FOXK1: variants seen among roughly 807,000 people sequenced by gnomAD.
FOXK1 encodes the protein forkhead box K1.
A neutral mutation model predicts 51.9 loss-of-function variants in FOXK1; 19 were observed. That is an observed-to-expected ratio of 0.37 (90% CI 0.26 to 0.54). FOXK1 has a LOEUF of 0.54. FOXK1 is among the 20% of genes least tolerant of loss of function. The pLI is 0.87. For synonymous variants in FOXK1, 537 were observed against 482.6 expected (o/e 1.11, Z -1.48); for missense variants, 870 against 1,032.7 (o/e 0.84, Z 2.16).
rs1780330496 is a variant in FOXK1, at chr7:4,722,697, G to T, written c.561-18141G>T. Among the ~76,000 whole-genome samples, 1 of 152,238 alleles carries T rather than the reference G, an allele frequency of 6.6e-6. No homozygotes were observed. The highest frequency in any genetic ancestry group is 2.4e-5 in the African/African-American group (1 of 41,466). Reference sequence around the variant, plus strand: ...TGGGTGAAACGAGGAAGTCGTAGGAGACCCACCTCAGATGCTCGGGTGCAC... The same window carrying T: ...TGGGTGAAACGAGGAAGTCGTAGGATACCCACCTCAGATGCTCGGGTGCAC... On this transcript the variant is annotated intron_variant, in intron 1 of 8. Coordinates refer to ENST00000328914, the MANE Select transcript of FOXK1 (RefSeq NM_001037165.2). The surrounding 1 kb of genome is among the most constrained non-coding windows in gnomAD (Gnocchi z 5.1).
At position 4,747,958 on chromosome 7, in the gene FOXK1, A is replaced by G. The variant is rs993015705; in HGVS notation, c.747-6501A>G. Among the ~76,000 whole-genome samples, 2 of 152,034 alleles carry G rather than the reference A, an allele frequency of 1.3e-5. No individual in the cohort carries two copies. Among genetic ancestry groups the G allele is most frequent in the Non-Finnish European group, 2.9e-5 (2 of 67,990 alleles). ...CCTCCGGGACTCAAGCGATCCTCCC[A>G]CCTCAGCCGTGACTACAGGAGCAAT... On this transcript the variant is annotated intron_variant, in intron 2 of 8. Coordinates refer to ENST00000328914, the MANE Select transcript of FOXK1 (RefSeq NM_001037165.2). The surrounding 1 kb of genome is among the most constrained non-coding windows in gnomAD (Gnocchi z 9.2).
At chr7:4,705,990 A>ATATATG (rs1562373052) in intron 1 of FOXK1, among the ~76,000 whole-genome samples, 7 of 102,132 alleles carry the variant, frequency 6.9e-5, no homozygotes, top group African/African-American at 4.7e-4. Flanking sequence ...ATACGTATAT[A>ATATATG]TACGTATATA....
chr7:4,702,751 T>G (rs1233208562), intron 1 of FOXK1, among the ~76,000 whole-genome samples: 3 of 152,166 alleles, frequency 2.0e-5, no homozygotes, highest in Non-Finnish European at 4.4e-5. Flanking sequence ...GAAAGACCGC[T>G]TCATAGGTTG....
In FOXK1 at chr7:4,762,466, G is replaced by A. The variant is rs1423189076; in HGVS notation, c.*2G>A. 1.3e-6 allele frequency: 2 copies of A among 1,540,294 alleles called. No homozygotes were observed. Among genetic ancestry groups the A allele is most frequent in the Non-Finnish European group, 8.8e-7 (1 of 1,140,432 alleles). On this transcript the variant is annotated 3_prime_UTR_variant, in exon 9 of 9. Transcript: ENST00000328914. The surrounding 1 kb of genome is among the most constrained non-coding windows in gnomAD (Gnocchi z 5.7). ...CAGGGGCCAGGCACCGGGGAGTGAG[G>A]TCACCTGCAACGCGGGGGAGTGGGA...
Position 4,709,339 on chromosome 7 carries a change from C to T in FOXK1, c.560+26471C>T, listed in dbSNP as rs985863277. Among the ~76,000 whole-genome samples, 3 of 152,214 alleles carry T rather than the reference C, an allele frequency of 2.0e-5. No homozygotes were observed. Among genetic ancestry groups the T allele is most frequent in the African/African-American group, 4.8e-5 (2 of 41,456 alleles). ...GAGGCCGCCTACTGTGCCTCCTTCC[C>T]AGTGTCACGTTGCTGCGTCCACGAG... On this transcript the variant is annotated intron_variant, in intron 1 of 8. Transcript: ENST00000328914. This position sits in a 1 kb window ranked among gnomAD's most constrained non-coding sequence, Gnocchi z 5.6.
chr7:4,693,277 A>G (rs550020059), intron 1 of FOXK1, among the ~76,000 whole-genome samples: 9 of 152,308 alleles, frequency 5.9e-5, no homozygotes, highest in African/African-American at 1.9e-4. Flanking sequence ...CTCTGTTTTT[A>G]AAAACAGAAA....
At chr7:4,688,087 A>G (rs148160137) in intron 1 of FOXK1, among the ~76,000 whole-genome samples, 2 of 152,264 alleles carry the variant, frequency 1.3e-5, no homozygotes, top group African/African-American at 4.8e-5. Flanking sequence ...GACATAGAGT[A>G]ACAAGCTTCC....
chr7:4,707,022 A>C lies in FOXK1; in HGVS notation c.560+24154A>C, dbSNP rs994467482. On this transcript the variant is annotated intron_variant, in intron 1 of 8. Coordinates refer to ENST00000328914, the MANE Select transcript of FOXK1 (RefSeq NM_001037165.2). This position sits in a 1 kb window ranked among gnomAD's most constrained non-coding sequence, Gnocchi z 4.1. The stretch of plus-strand genomic sequence containing the variant: ...CTACTTCATGCCCTAATTGAATTCC[A>C]TTGCATTTTCTTCTTAAAATAAAAG... Among the ~76,000 whole-genome samples, 2 of 152,178 alleles carry C rather than the reference A, an allele frequency of 1.3e-5. No homozygotes were observed. The highest frequency in any genetic ancestry group is 2.4e-5 in the African/African-American group (1 of 41,434).
At chr7:4,732,971 T>A (rs1387791362) in intron 1 of FOXK1, among the ~76,000 whole-genome samples, 1 of 152,228 alleles carries the variant, frequency 6.6e-6, no homozygotes, top group Non-Finnish European at 1.5e-5. Context: ...AGCAGTTGGG[T>A]AAGACGACAT....
At chr7:4,689,715 G>T (rs1234770678) in intron 1 of FOXK1, among the ~76,000 whole-genome samples, 1 of 152,208 alleles carries the variant, frequency 6.6e-6, no homozygotes, top group African/African-American at 2.4e-5. Context: ...ATTAGTTACA[G>T]ATTGATGTGA....
intron 7 of FOXK1, 162 bp downstream of exon 7, chr7:4,759,757 C>T (rs1331985717): frequency 1.1e-6 from 1 of 892,822 alleles, no homozygotes; most frequent in Non-Finnish European, 1.7e-6. Context: ...ATGAGCTGGG[C>T]AGGTGGCTCA....
At position 4,734,068 on chromosome 7, in the gene FOXK1, A is replaced by G. The variant is rs1183684325; in HGVS notation, c.561-6770A>G. Among the ~76,000 whole-genome samples, 1 of 151,846 alleles carries G rather than the reference A, an allele frequency of 6.6e-6. No individual in the cohort carries two copies. The highest frequency in any genetic ancestry group is 1.5e-5 in the Non-Finnish European group (1 of 67,976). On this transcript the variant is annotated intron_variant, in intron 1 of 8. Coordinates refer to ENST00000328914, the MANE Select transcript of FOXK1 (RefSeq NM_001037165.2). The surrounding 1 kb of genome is among the most constrained non-coding windows in gnomAD (Gnocchi z 5.2). ...TTCCAGCTCGTCACCCATGTCCTCA[A>G]CCCCTAACCACTGAAGCGATGCCTG...
At position 4,770,353 on chromosome 7, in the gene FOXK1, A is replaced by C. The variant is rs958790474; in HGVS notation, c.*7889A>C. On this transcript the variant is annotated 3_prime_UTR_variant, in exon 9 of 9. Transcript: ENST00000328914. ...GAGACCAGCCTGACCAACATGGTGA[A>C]ATCCTGTCTCTACTAAAAATACAAA... 4.6e-5 allele frequency: 7 copies of C among 152,168 alleles called. No individual in the cohort carries two copies. Among genetic ancestry groups the C allele is most frequent in the African/African-American group, 1.7e-4 (7 of 41,428 alleles). 9.4% of individuals were successfully genotyped at this position (152,168 alleles called of 1,614,324 possible).
Position 4,761,568 on chromosome 7 carries a change from A to C in FOXK1, c.1921+280A>C, listed in dbSNP as rs1276903057. Among the ~76,000 whole-genome samples the C allele has an allele frequency of 6.6e-6, 1 of 152,040 alleles. No individual in the cohort carries two copies. Among genetic ancestry groups the C allele is most frequent in the East Asian group, 1.9e-4 (1 of 5,166 alleles). On this transcript the variant is annotated intron_variant, in intron 8 of 8. Transcript: ENST00000328914. The surrounding 1 kb of genome is among the most constrained non-coding windows in gnomAD (Gnocchi z 6.2). ...CATAGCAAGACCCCATCTCTACATAAGATTCAAAAACTTAGCCAGGTGTGG... is the reference window on the plus strand; with the variant it reads ...CATAGCAAGACCCCATCTCTACATACGATTCAAAAACTTAGCCAGGTGTGG...
In FOXK1 at chr7:4,733,520, C is replaced by G. The variant is rs146271940; in HGVS notation, c.561-7318C>G. On this transcript the variant is annotated intron_variant, in intron 1 of 8. Coordinates refer to ENST00000328914, the MANE Select transcript of FOXK1 (RefSeq NM_001037165.2). The surrounding 1 kb of genome is among the most constrained non-coding windows in gnomAD (Gnocchi z 5.0). ...CCTTGGTTCCTCATATAGACATGAC[C>G]CATTTGTATCCCATTGACCAGCTCA... Among the ~76,000 whole-genome samples, 53 of 152,270 alleles carry G rather than the reference C, an allele frequency of 3.5e-4. 3 individuals carry two copies. In the East Asian group the frequency reaches 0.01, roughly 29 times the overall value.
intron 2 of FOXK1, among the ~76,000 whole-genome samples, chr7:4,742,922 C>G (rs1281975093): frequency 6.6e-6 from 1 of 152,196 alleles, no homozygotes; most frequent in African/African-American, 2.4e-5. Flanking sequence ...GGGAGTGTCT[C>G]TCGTGGAGAG....
rs1226588283 is a variant in FOXK1 at position 4,735,683 on chromosome 7, C to T, written c.561-5155C>T. The stretch of plus-strand genomic sequence containing the variant: ...ACTCTGTGGACACACTTAACCTTAG[C>T]GGAATCTCCGCCGGTCAAGACCGGC... On this transcript the variant is annotated intron_variant, in intron 1 of 8. Transcript: ENST00000328914. This position sits in a 1 kb window ranked among gnomAD's most constrained non-coding sequence, Gnocchi z 4.7. Among the ~76,000 whole-genome samples the T allele has an allele frequency of 4.6e-5, 7 of 152,164 alleles. No homozygotes were observed. The highest frequency in any genetic ancestry group is 1.3e-4 in the Admixed American group (2 of 15,278).
At chr7:4,693,588 A>G (rs975404360) in intron 1 of FOXK1, among the ~76,000 whole-genome samples, 25 of 152,268 alleles carry the variant, frequency 1.6e-4, no homozygotes, top group African/African-American at 5.8e-4. Context: ...CTGTCGCCCA[A>G]GCCGCTCTCT....
At chr7:4,686,856 T>C (rs1269266686) in intron 1 of FOXK1, among the ~76,000 whole-genome samples, 5 of 143,334 alleles carry the variant, frequency 3.5e-5, no homozygotes, top group African/African-American at 1.3e-4. Flanking sequence ...CTTCTTCGGT[T>C]ATGGGGAGGG....
Sources: allele counts gnomAD v4.1 joint callset (sites outside exome capture counted in the v4.1 genomes callset), GRCh38; gene constraint gnomAD v4.1.1; non-coding constraint Gnocchi (gnomAD v3.1); transcripts MANE v1.5; gene names NCBI Gene and HGNC (gene_info 2026-07-23, HGNC 2026-07-21).